Variants in SCLT1 observed in about 807,000 individuals in gnomAD.
SCLT1 encodes the protein sodium channel-associated protein 1.
A neutral mutation model predicts 112.8 loss-of-function variants in SCLT1; 78 were observed. That is an observed-to-expected ratio of 0.69 (90% CI 0.58 to 0.83). The LOEUF (loss-of-function observed/expected upper bound fraction) is 0.83. Ranked by LOEUF, SCLT1 falls within the 40% of genes least tolerant of loss-of-function variation. The pLI, the probability that SCLT1 is intolerant of heterozygous loss-of-function variation, is 0.00. For synonymous variants in SCLT1, 257 were observed against 254.7 expected (o/e 1.01, Z -0.09); for missense variants, 747 against 770.4 (o/e 0.97, Z 0.36).
intron 5 of SCLT1, among the ~76,000 whole-genome samples, chr4:129,030,593 G>A (rs985795369): frequency 6.6e-6 from 1 of 151,676 alleles, no homozygotes; most frequent in Non-Finnish European, 1.5e-5. Context: ...AAAGAGAGAA[G>A]AATCAAATAG....
In SCLT1 at chr4:129,043,392, T is replaced by G. The variant is rs758031094; in HGVS notation, c.234+3A>C. On this transcript the variant is annotated splice_donor_region_variant and intron_variant, in intron 4 of 20. Transcript: ENST00000281142. ...CAAAAGCCTCATAACTATGATTTCA[T>G]ACCTGGTAATATTTCAGCTGCCCAT... 3.6e-6 allele frequency: 5 copies of G among 1,404,928 alleles called. No individual in the cohort carries two copies. The highest frequency in any genetic ancestry group is 5.0e-6 in the Non-Finnish European group (5 of 1,000,746). 87.0% of individuals were successfully genotyped at this position (1,404,928 alleles called of 1,614,324 possible).
intron 2 of SCLT1, among the ~76,000 whole-genome samples, chr4:129,078,567 G>A (rs1451309780): frequency 6.6e-6 from 1 of 151,872 alleles, no homozygotes; most frequent in Non-Finnish European, 1.5e-5. Context: ...AAATAATATG[G>A]TTATAACAGC....
At chr4:129,021,890 G>A (rs1404727708) in intron 5 of SCLT1, among the ~76,000 whole-genome samples, 1 of 152,154 alleles carries the variant, frequency 6.6e-6, no homozygotes, top group African/African-American at 2.4e-5. Context: ...CTCCCAACAG[G>A]GGCTGACAGA....
At chr4:129,038,946 A>G (rs577502147) in intron 5 of SCLT1, 95 bp downstream of exon 5, 1 of 790,434 alleles carries the variant, frequency 1.3e-6, no homozygotes, top group South Asian at 1.5e-5. Context: ...CCACATTCTT[A>G]ACTATTAATA....
intron 2 of SCLT1, among the ~76,000 whole-genome samples, chr4:129,051,482 A>C (rs1326299408): frequency 6.6e-6 from 1 of 151,988 alleles, no homozygotes; most frequent in East Asian, 1.9e-4. Context: ...TATTCTCTTT[A>C]TAACAATTGT....
chr4:128,918,598 T>C (rs1254102645), intron 18 of SCLT1, among the ~76,000 whole-genome samples: 1 of 152,134 alleles, frequency 6.6e-6, no homozygotes, highest in Non-Finnish European at 1.5e-5. Context: ...TAACCTTGAA[T>C]GTAAATAGGC....
intron 18 of SCLT1, among the ~76,000 whole-genome samples, chr4:128,934,921 C>A (rs1199174391): frequency 1.3e-5 from 2 of 151,662 alleles, no homozygotes; most frequent in Non-Finnish European, 3.0e-5. Context: ...TTATTTTTTG[C>A]CATTAAGAAC....
At chr4:128,989,129 C>G (rs1336747849) in intron 9 of SCLT1, among the ~76,000 whole-genome samples, 3 of 151,774 alleles carry the variant, frequency 2.0e-5, no homozygotes, top group African/African-American at 7.2e-5. Flanking sequence ...ACTACATTGA[C>G]CTAATAAACA....
intron 18 of SCLT1, among the ~76,000 whole-genome samples, chr4:128,907,358 T>C (rs2125942086): frequency 6.6e-6 from 1 of 152,282 alleles, no homozygotes; most frequent in South Asian, 2.1e-4. Flanking sequence ...AGGTGAGCAA[T>C]GTTGACAGCC....
At chr4:128,923,996 T>C (rs912562495) in intron 18 of SCLT1, among the ~76,000 whole-genome samples, 9 of 152,046 alleles carry the variant, frequency 5.9e-5, no homozygotes, top group Admixed American at 2.0e-4. Context: ...TTTTATTTTG[T>C]AGAGACGAGG....
chr4:128,899,306 C>A (rs533796549), intron 18 of SCLT1, among the ~76,000 whole-genome samples: 31 of 152,292 alleles, frequency 2.0e-4, no homozygotes, highest in African/African-American at 6.5e-4. Context: ...TCCAGCAGCA[C>A]ATCAAAAAGC....
intron 18 of SCLT1, among the ~76,000 whole-genome samples, chr4:128,906,580 T>C (rs1397666947): frequency 1.3e-5 from 2 of 152,228 alleles, no homozygotes; most frequent in African/African-American, 2.4e-5. Context: ...TCTAAAGCTT[T>C]ATTTATAAAG....
intron 18 of SCLT1, among the ~76,000 whole-genome samples, chr4:128,932,432 A>G (rs1736851413): frequency 6.6e-6 from 1 of 152,132 alleles, no homozygotes; most frequent in African/African-American, 2.4e-5. Flanking sequence ...TTTTCTAAAA[A>G]ACATATTTCC....
intron 5 of SCLT1, among the ~76,000 whole-genome samples, chr4:129,021,584 G>T (rs548342394): frequency 6.6e-6 from 1 of 152,148 alleles, no homozygotes. Flanking sequence ...TGGGCTGGGC[G>T]TGGCAAAGTG....
intron 11 of SCLT1, among the ~76,000 whole-genome samples, chr4:128,962,940 C>T (rs1739868209): frequency 6.6e-6 from 1 of 152,092 alleles, no homozygotes; most frequent in South Asian, 2.1e-4. Context: ...CCTATGGTAA[C>T]TTAGCTTTTA....
intron 2 of SCLT1, among the ~76,000 whole-genome samples, chr4:129,047,560 C>A (rs1188382434): frequency 6.6e-6 from 1 of 152,024 alleles, no homozygotes; most frequent in Non-Finnish European, 1.5e-5. Context: ...TGAGGACTTC[C>A]ATACTGCTCT....
intron 18 of SCLT1, among the ~76,000 whole-genome samples, chr4:128,891,854 A>G (rs1483216940): frequency 6.6e-6 from 1 of 152,064 alleles, no homozygotes; most frequent in Non-Finnish European, 1.5e-5. Context: ...CATGTTGCCA[A>G]GGTTGGTCTT....
chr4:128,993,908 C>A (rs280603), intron 8 of SCLT1, among the ~76,000 whole-genome samples: 109,356 of 151,350 alleles, frequency 0.72, 41,411 homozygotes, highest in South Asian at 0.9. Flanking sequence ...AAATTATAAT[C>A]TATCTACAGC....
rs564778278 is a variant in SCLT1, at chr4:128,948,895, G to A, written c.1219-325C>T. On this transcript the variant is annotated intron_variant, in intron 14 of 20. Coordinates refer to ENST00000281142, the MANE Select transcript of SCLT1 (RefSeq NM_144643.4). Reference sequence around the variant, plus strand: ...ACTCTTATCAAGTATTTTGAAAAGGGAACATAGAACCAGATAGTGGCACAA... The same window carrying A: ...ACTCTTATCAAGTATTTTGAAAAGGAAACATAGAACCAGATAGTGGCACAA... Among the ~76,000 whole-genome samples, 224 of 152,214 alleles carry A rather than the reference G, an allele frequency of 1.5e-3. 1 individual carries two copies. Among genetic ancestry groups the A allele is most frequent in the African/African-American group, 5.1e-3 (213 of 41,532 alleles).
Sources: allele counts gnomAD v4.1 joint callset (sites outside exome capture counted in the v4.1 genomes callset), GRCh38; gene constraint gnomAD v4.1.1; transcripts MANE v1.5; gene names NCBI Gene and HGNC (gene_info 2026-07-23, HGNC 2026-07-21).